The following RIPOR3 variants were observed in gnomAD, a reference collection of about 807,000 sequenced individuals.
The protein encoded by RIPOR3 is RIPOR family member 3, also known as family with sequence similarity 65 member C.
Under a neutral mutation model 114.3 loss-of-function variants are expected in RIPOR3, and 95 were observed. That is an observed-to-expected ratio of 0.83 (90% CI 0.70 to 0.99). RIPOR3 has a LOEUF of 0.99. Ranked by LOEUF, RIPOR3 falls within the 50% of genes least tolerant of loss-of-function variation. The pLI, the probability that RIPOR3 is intolerant of heterozygous loss-of-function variation, is 0.00. For synonymous variants in RIPOR3, 575 were observed against 543.8 expected, an observed-to-expected ratio of 1.06 and a Z score of -0.80; for missense variants, 1,252 against 1,266.9, an observed-to-expected ratio of 0.99 and a Z score of 0.18.
At chr20:50,597,944 G>C (rs2083356578) in intron 13 of RIPOR3, among the ~76,000 whole-genome samples, 2 of 152,152 alleles carry the variant, frequency 1.3e-5, no homozygotes, top group African/African-American at 4.8e-5. Context: ...ATCTTGAGGG[G>C]GACAGATCTG....
At chr20:50,636,623 C>T (rs1248782921) in intron 1 of RIPOR3, 13 of 985,520 alleles carry the variant, frequency 1.3e-5, no homozygotes, top group South Asian at 9.4e-5. Context: ...CCGTGTCCCT[C>T]GCTGCCTCTC....
chr20:50,604,578 C>T, intron 12 of RIPOR3, 67 bp downstream of exon 12: 1 of 1,519,120 alleles, frequency 6.6e-7, no homozygotes. Context: ...CTGCTCAGCC[C>T]AGCTCCTGCG....
At position 50,593,015 on chromosome 20, in the gene RIPOR3, G is replaced by A; in HGVS notation, c.2374+20C>T. On this transcript the variant is annotated intron_variant, in intron 18 of 21. Coordinates refer to ENST00000327979, the MANE Select transcript of RIPOR3 (RefSeq NM_001290268.2). ...CCGTGGATATTCCTCTGCTATGACA[G>A]CCACCCACCCCAGTCTTACCTTCCT... The A allele has an allele frequency of 6.2e-7, 1 of 1,612,786 alleles. No individual in the cohort carries two copies. Among genetic ancestry groups the A allele is most frequent in the Non-Finnish European group, 8.5e-7 (1 of 1,179,552 alleles).
At chr20:50,621,601 C>T (rs575714638) in intron 2 of RIPOR3, among the ~76,000 whole-genome samples, 1 of 152,136 alleles carries the variant, frequency 6.6e-6, no homozygotes, top group Non-Finnish European at 1.5e-5. Context: ...TGTTTTTTCC[C>T]CTGGCATTGC....
intron 1 of RIPOR3, chr20:50,662,232 AG>A (rs1466101135): frequency 6.6e-6 from 1 of 152,328 alleles, no homozygotes. Context: ...TCAGAGAAGA[AG>A]GGAAAAGCCA....
intron 1 of RIPOR3, among the ~76,000 whole-genome samples, chr20:50,676,769 C>T (rs192780953): frequency 3.2e-4 from 42 of 132,820 alleles, no homozygotes; most frequent in Non-Finnish European, 4.2e-4. Flanking sequence ...CCAGATTCTA[C>T]TTTTTTTTTT....
At chr20:50,615,960 C>T in intron 4 of RIPOR3, 42 bp downstream of exon 4, 2 of 1,567,640 alleles carry the variant, frequency 1.3e-6, no homozygotes, top group Non-Finnish European at 1.7e-6. Flanking sequence ...TTACTCCTGG[C>T]CAAGGCTATC....
intron 1 of RIPOR3, among the ~76,000 whole-genome samples, chr20:50,666,181 C>CCTTCCCTTCCCTTTCCTTTCCTTTCCTTT (rs1600720832): frequency 1.3e-4 from 2 of 14,964 alleles, no homozygotes; most frequent in African/African-American, 1.8e-4. Context: ...GAAAGGACAC[C>CCTTCCCTTCCCTTTCCTTTCCTTTCCTTT]CATTTCTTTT....
chr20:50,632,385 C>T (rs1021450503), intron 1 of RIPOR3, among the ~76,000 whole-genome samples: 21 of 152,256 alleles, frequency 1.4e-4, no homozygotes, highest in Middle Eastern at 3.4e-3. Flanking sequence ...AGAGACATGT[C>T]GGAAGAGCTG....
At chr20:50,635,756 G>A (rs1342115469) in intron 1 of RIPOR3, among the ~76,000 whole-genome samples, 3 of 152,240 alleles carry the variant, frequency 2.0e-5, no homozygotes, top group Admixed American at 6.5e-5. Context: ...GGTCACACAG[G>A]TAGGAAATGC....
intron 19 of RIPOR3, among the ~76,000 whole-genome samples, chr20:50,591,034 A>C (rs2083089212): frequency 6.6e-6 from 1 of 152,194 alleles, no homozygotes; most frequent in Non-Finnish European, 1.5e-5. Context: ...AACTACCGTT[A>C]AACTTCCTGC....
chr20:50,590,240 C>T (rs952276052), intron 19 of RIPOR3, among the ~76,000 whole-genome samples: 10 of 152,242 alleles, frequency 6.6e-5, no homozygotes, highest in Admixed American at 3.3e-4. Flanking sequence ...TTCGGTCTCA[C>T]GACCATGGCC....
Position 50,611,289 on chromosome 20 carries a change from C to T in RIPOR3, c.349-85G>A. The T allele has an allele frequency of 3.8e-6, 6 of 1,582,446 alleles. No individual in the cohort carries two copies. The East Asian group carries it at 1.1e-4, about 29-fold the overall frequency. On this transcript the variant is annotated intron_variant, in intron 4 of 21. Coordinates refer to ENST00000327979, the MANE Select transcript of RIPOR3 (RefSeq NM_001290268.2). ...CCTATGAGGCTCTATGCTGGCGGCG[C>T]CTGAGCTCAGAGTCAGAGGACAGAA...
At chr20:50,588,100 A>T (rs1195743398) in intron 20 of RIPOR3, among the ~76,000 whole-genome samples, 1 of 152,138 alleles carries the variant, frequency 6.6e-6, no homozygotes, top group Admixed American at 6.5e-5. Context: ...TTCAGCCCTT[A>T]CACCCGCTAG....
At chr20:50,604,172 C>T (rs1452515317) in intron 12 of RIPOR3, among the ~76,000 whole-genome samples, 2 of 146,296 alleles carry the variant, frequency 1.4e-5, no homozygotes, top group African/African-American at 2.5e-5. Flanking sequence ...GAGACAAGAG[C>T]GAAACTCCGT....
chr20:50,658,726 A>G (rs542431951), intron 1 of RIPOR3, among the ~76,000 whole-genome samples: 7 of 152,254 alleles, frequency 4.6e-5, no homozygotes, highest in South Asian at 2.1e-4. Flanking sequence ...ATTATAATCA[A>G]TCTTTACATG....
At chr20:50,623,756 G>A (rs1334413509) in intron 2 of RIPOR3, among the ~76,000 whole-genome samples, 1 of 152,194 alleles carries the variant, frequency 6.6e-6, no homozygotes. Flanking sequence ...TAAGTAACTG[G>A]GGGCACCTGC....
At chr20:50,631,401 G>A (rs906958689) in intron 1 of RIPOR3, among the ~76,000 whole-genome samples, 1 of 152,230 alleles carries the variant, frequency 6.6e-6, no homozygotes, top group Non-Finnish European at 1.5e-5. Context: ...GCTGACGTGG[G>A]GTGAAGGGGA....
chr20:50,592,481 G>T lies in RIPOR3; in HGVS notation c.2440C>A (p.Arg814=). Residue 814 remains arginine, a synonymous_variant, in exon 19 of 22, where the codon CGG becomes AGG. Coordinates refer to ENST00000327979, the MANE Select transcript of RIPOR3 (RefSeq NM_001290268.2). ...GGCAGAGGCTGGAGCTGGCCCAGCC[G>T]CTTCCCCTGCAGCTTCCGGACCACC... The part of the protein sequence containing the change: ...AKVVRKLQGK[R]LGQLQPLPQT... The T allele has an allele frequency of 6.2e-7, 1 of 1,610,552 alleles. No homozygotes were observed.
Sources: gnomAD v4.1 joint callset for allele counts (sites outside exome capture counted in the v4.1 genomes callset) on GRCh38, gnomAD v4.1.1 for gene constraint, MANE v1.5 for transcripts, NCBI Gene and HGNC (gene_info 2026-07-23, HGNC 2026-07-21) for gene names.